SDCCAG8: variants seen among roughly 807,000 people sequenced by gnomAD.
SDCCAG8 encodes the protein SHH signaling and ciliogenesis regulator SDCCAG8, also known as serologically defined colon cancer antigen 8.
Under a neutral mutation model 101.8 loss-of-function variants are expected in SDCCAG8, and 74 were observed. That is an observed-to-expected ratio of 0.73 (90% CI 0.60 to 0.88). The LOEUF (loss-of-function observed/expected upper bound fraction) is 0.88, where lower values mean the gene tolerates loss of function less well. SDCCAG8 is among the 40% of genes least tolerant of loss of function. The pLI is 0.00. For missense variants in SDCCAG8, 787 were observed against 822.6 expected (o/e 0.96, Z 0.53); for synonymous variants, 281 against 292.9 (o/e 0.96, Z 0.41).
chr1:243,484,414 T>C (rs991871061), intron 16 of SDCCAG8, among the ~76,000 whole-genome samples: 6 of 152,246 alleles, frequency 3.9e-5, no homozygotes, highest in Non-Finnish European at 7.3e-5. Context: ...GAATCAATGA[T>C]TCATGTTGTC....
chr1:243,484,877 C>T (rs1664470015), intron 16 of SDCCAG8, among the ~76,000 whole-genome samples: 1 of 152,132 alleles, frequency 6.6e-6, no homozygotes, highest in African/African-American at 2.4e-5. Flanking sequence ...AACCCCATCT[C>T]TACTAAAAAT....
At chr1:243,494,249 C>T (rs1343145910) in intron 17 of SDCCAG8, among the ~76,000 whole-genome samples, 1 of 152,024 alleles carries the variant, frequency 6.6e-6, no homozygotes, top group African/African-American at 2.4e-5. Context: ...GATTTTCACC[C>T]GAATTGTCAG....
chr1:243,452,618 G>T (rs1431195109), intron 16 of SDCCAG8, among the ~76,000 whole-genome samples: 6 of 151,092 alleles, frequency 4.0e-5, no homozygotes, highest in Admixed American at 6.6e-5. Context: ...TTAGAAATGG[G>T]GTCCCACTGT....
chr1:243,284,066 C>A (rs990403442), intron 4 of SDCCAG8, among the ~76,000 whole-genome samples: 1 of 152,132 alleles, frequency 6.6e-6, no homozygotes, highest in African/African-American at 2.4e-5. Flanking sequence ...ATTTTAAATT[C>A]CTGGTCTGAT....
At chr1:243,334,992 T>G (rs538983391) in intron 10 of SDCCAG8, among the ~76,000 whole-genome samples, 1 of 152,262 alleles carries the variant, frequency 6.6e-6, no homozygotes, top group South Asian at 2.1e-4. Flanking sequence ...TCATGTCGAA[T>G]AGCTTGCCTC....
chr1:243,267,664 A>G, intron 1 of SDCCAG8: 1 of 762,052 alleles, frequency 1.3e-6, no homozygotes, highest in Non-Finnish European at 2.4e-6. Context: ...ACACACACTT[A>G]GGCTGAGTTA....
intron 6 of SDCCAG8, among the ~76,000 whole-genome samples, chr1:243,300,057 G>T (rs2071350552): frequency 1.3e-5 from 2 of 151,606 alleles, no homozygotes; most frequent in African/African-American, 4.8e-5. Context: ...TAGAGACGGG[G>T]TTTCACTATG....
At chr1:243,476,134 G>A in intron 16 of SDCCAG8, 1 of 985,400 alleles carries the variant, frequency 1.0e-6, no homozygotes, top group Non-Finnish European at 1.2e-6. Flanking sequence ...GAATTCCTTT[G>A]GCTGCAGATT....
chr1:243,363,483 C>T (rs2076832329), intron 12 of SDCCAG8, among the ~76,000 whole-genome samples: 2 of 152,054 alleles, frequency 1.3e-5, no homozygotes, highest in African/African-American at 4.8e-5. Flanking sequence ...GGGAAACTCC[C>T]AATGAGAGGT....
At chr1:243,338,205 G>A (rs562786659) in intron 10 of SDCCAG8, among the ~76,000 whole-genome samples, 93 of 152,268 alleles carry the variant, frequency 6.1e-4, no homozygotes, top group African/African-American at 2.0e-3. Flanking sequence ...ATGAGCCACA[G>A]TGCCCGGCCT....
chr1:243,315,858 A>G lies in SDCCAG8; in HGVS notation c.930-897A>G, dbSNP rs147690790. 3.6e-3 allele frequency among the ~76,000 whole-genome samples: 542 copies of G among 152,354 alleles called. 7 individuals are homozygous for G. The highest frequency in any genetic ancestry group is 0.012 in the African/African-American group (516 of 41,584). On this transcript the variant is annotated intron_variant, in intron 8 of 17. Transcript: ENST00000366541. ...CTTCAACTCTTTAACAAAACAGGGA[A>G]CACCATATGTAACAGTCCAGCATAC...
chr1:243,318,523 T>C (rs1005074079), intron 9 of SDCCAG8: 70 of 983,170 alleles, frequency 7.1e-5, no homozygotes, highest in Non-Finnish European at 8.2e-5. Flanking sequence ...TAAAAAAAAA[T>C]TAGGGCTATT....
At chr1:243,460,953 T>G (rs1658975657) in intron 16 of SDCCAG8, among the ~76,000 whole-genome samples, 1 of 152,254 alleles carries the variant, frequency 6.6e-6, no homozygotes, top group Admixed American at 6.5e-5. Flanking sequence ...TATTTAATGC[T>G]ACTTAGAACA....
chr1:243,334,403 G>T (rs2802724), intron 10 of SDCCAG8, among the ~76,000 whole-genome samples: 2 of 152,156 alleles, frequency 1.3e-5, no homozygotes, highest in South Asian at 4.1e-4. Context: ...TTGGCTCTCC[G>T]GTCTTATGTT....
intron 3 of SDCCAG8, among the ~76,000 whole-genome samples, chr1:243,272,752 A>C (rs2068200102): frequency 6.6e-6 from 1 of 152,264 alleles, no homozygotes; most frequent in Admixed American, 6.5e-5. Flanking sequence ...ATATGTATAC[A>C]GCCTACATGT....
At chr1:243,452,078 C>T (rs1250425352) in intron 16 of SDCCAG8, among the ~76,000 whole-genome samples, 2 of 152,222 alleles carry the variant, frequency 1.3e-5, no homozygotes, top group African/African-American at 4.8e-5. Flanking sequence ...CTTGTTACAT[C>T]TCGTTACACC....
chr1:243,456,650 A>C (rs879883348), intron 16 of SDCCAG8, among the ~76,000 whole-genome samples: 8 of 152,144 alleles, frequency 5.3e-5, no homozygotes, highest in Non-Finnish European at 1.2e-4. Context: ...CATTCCCAGC[A>C]TTTAAAAAGG....
intron 13 of SDCCAG8, among the ~76,000 whole-genome samples, chr1:243,391,373 C>T (rs2078687766): frequency 6.6e-6 from 1 of 152,192 alleles, no homozygotes; most frequent in Non-Finnish European, 1.5e-5. Flanking sequence ...TATTATGCTG[C>T]AACTCTGTTA....
chr1:243,491,288 C>CA (rs964366780), intron 17 of SDCCAG8, among the ~76,000 whole-genome samples: 5 of 152,174 alleles, frequency 3.3e-5, no homozygotes, highest in Non-Finnish European at 7.3e-5. Context: ...CCCCAAACCT[C>CA]AAAAAATCCT....
Sources: gnomAD v4.1 joint callset for allele counts (sites outside exome capture counted in the v4.1 genomes callset) on GRCh38, gnomAD v4.1.1 for gene constraint, MANE v1.5 for transcripts, NCBI Gene and HGNC (gene_info 2026-07-23, HGNC 2026-07-21) for gene names.